TVP23C: variants seen among roughly 807,000 people sequenced by gnomAD.
TVP23C encodes Golgi apparatus membrane protein TVP23 homolog C.
TVP23C carries 19 observed loss-of-function variants against 28.7 expected under a neutral mutation model. That is an observed-to-expected ratio of 0.66 (90% confidence interval 0.46 to 0.97). TVP23C has a LOEUF of 0.97. Among genes scored for constraint, TVP23C ranks in the 50% least tolerant of loss-of-function variants. The probability of loss-of-function intolerance (pLI) is 0.00; values close to 1 mark genes in which losing one functional copy is unlikely to be tolerated. For synonymous variants in TVP23C, 68 were observed against 81.7 expected (o/e 0.83, Z 0.90); for missense variants, 186 against 241.3 (o/e 0.77, Z 1.52).
At chr17:15,542,751 C>T (rs1357977629) in intron 5 of TVP23C, among the ~76,000 whole-genome samples, 1 of 152,190 alleles carries the variant, frequency 6.6e-6, no homozygotes, top group African/African-American at 2.4e-5. Flanking sequence ...GCTGGGATTA[C>T]AGGCATGAGC....
chr17:15,542,937 C>A (rs1288648034), intron 5 of TVP23C, among the ~76,000 whole-genome samples: 1 of 152,196 alleles, frequency 6.6e-6, no homozygotes, highest in African/African-American at 2.4e-5. Flanking sequence ...CAGGATCAAA[C>A]TGGCTTTCAC....
intron 5 of TVP23C, among the ~76,000 whole-genome samples, chr17:15,510,035 T>C (rs1981933402): frequency 6.6e-6 from 1 of 152,210 alleles, no homozygotes; most frequent in Non-Finnish European, 1.5e-5. Flanking sequence ...TTCGGAGACG[T>C]TGACTTTTTT....
chr17:15,518,273 A>G (rs2150833636), intron 5 of TVP23C, among the ~76,000 whole-genome samples: 1 of 152,258 alleles, frequency 6.6e-6, no homozygotes, highest in African/African-American at 2.4e-5. Flanking sequence ...ATCTACCCAA[A>G]TATAAGGGGG....
downstream of TVP23C, among the ~76,000 whole-genome samples, chr17:15,535,914 A>G (rs903737383): frequency 2.6e-5 from 4 of 152,192 alleles, no homozygotes; most frequent in African/African-American, 9.7e-5. Flanking sequence ...ACAGGTCGCC[A>G]GATACGATGG....
chr17:15,515,103 A>G (rs1384982404), intron 5 of TVP23C, among the ~76,000 whole-genome samples: 2 of 151,998 alleles, frequency 1.3e-5, no homozygotes, highest in African/African-American at 4.8e-5. Context: ...GGGTGCCCAT[A>G]CCCACAGTGG....
At chr17:15,533,727 A>G (rs1312379728), downstream of TVP23C, among the ~76,000 whole-genome samples, 1 of 152,018 alleles carries the variant, frequency 6.6e-6, no homozygotes, top group Admixed American at 6.5e-5. Flanking sequence ...TTTTTAAAGG[A>G]TTTGGGGTTG....
exon 6 of TVP23C, chr17:15,503,204 C>G: frequency 6.4e-7 from 1 of 1,551,462 alleles, no homozygotes; most frequent in South Asian, 1.2e-5. Context: ...GACTTTCAGA[C>G]CAGTCTGGGC....
chr17:15,523,570 A>G (rs1035617000), intron 5 of TVP23C, among the ~76,000 whole-genome samples: 3 of 151,564 alleles, frequency 2.0e-5, no homozygotes, highest in Non-Finnish European at 2.9e-5. Flanking sequence ...TGGCCTCCCA[A>G]AGTGCTGAGA....
At chr17:15,555,428 T>C (rs1984088184) in intron 1 of TVP23C, 64 bp from the exon 2 acceptor site, 17 of 1,593,670 alleles carry the variant, frequency 1.1e-5, no homozygotes, top group Non-Finnish European at 1.4e-5. Context: ...GCCACTGCAA[T>C]GCAAAGCTGC....
chr17:15,524,414 C>T (rs958617869), intron 5 of TVP23C, among the ~76,000 whole-genome samples: 16 of 152,114 alleles, frequency 1.1e-4, no homozygotes, highest in African/African-American at 3.6e-4. Flanking sequence ...TGGTTGTTTC[C>T]AGGCTATGCT....
At chr17:15,502,691 T>C in exon 6 of TVP23C, 23 of 1,120,890 alleles carry the variant, frequency 2.1e-5, no homozygotes, top group Non-Finnish European at 2.8e-5. Flanking sequence ...TTTTACAAGT[T>C]CCCTGTTCGT....
chr17:15,504,164 A>G (rs1981616757), intron 5 of TVP23C, among the ~76,000 whole-genome samples: 1 of 152,224 alleles, frequency 6.6e-6, no homozygotes, highest in Non-Finnish European at 1.5e-5. Flanking sequence ...TAGACAGCCC[A>G]GGAACCAGGA....
chr17:15,548,681 C>G (rs1441824040), intron 3 of TVP23C, among the ~76,000 whole-genome samples: 1 of 152,206 alleles, frequency 6.6e-6, no homozygotes, highest in Non-Finnish European at 1.5e-5. Context: ...AGACCTGCCA[C>G]TAGATCTTAC....
rs889697092 is a variant in TVP23C, at chr17:15,549,921, T to TA, written c.241-2774dup. ...AAATTCCTATGGGAGAGATGCTAAGTAAAAAAAAAAAAGAGCTGGCAAGGG... is the reference window on the plus strand; with the variant it reads ...AAATTCCTATGGGAGAGATGCTAAGTAAAAAAAAAAAAAGAGCTGGCAAGGG... On this transcript the variant is annotated intron_variant, in intron 3 of 5. Transcript: ENST00000518321. Among the ~76,000 whole-genome samples, 108 of 140,726 alleles carry TA rather than the reference T, an allele frequency of 7.7e-4. 1 individual carries two copies. Among genetic ancestry groups the TA allele is most frequent in the Middle Eastern group, 3.8e-3 (1 of 266 alleles). The allele number at this position is 140,726 out of a possible 152,430, so 92.3% of individuals were successfully genotyped here.
chr17:15,512,010 G>C (rs1982025391), intron 5 of TVP23C, among the ~76,000 whole-genome samples: 1 of 152,160 alleles, frequency 6.6e-6, no homozygotes, highest in South Asian at 2.1e-4. Context: ...TGAAACACAG[G>C]CTGCTGGGTC....
At chr17:15,502,768 CCG>C (rs1491553896) in exon 6 of TVP23C, 7 of 1,425,434 alleles carry the variant, frequency 4.9e-6, no homozygotes, top group Non-Finnish European at 5.6e-6. Flanking sequence ...CTCTCCTTCT[CCG>C]TCACTCTCTT....
In TVP23C at chr17:15,503,275, C is replaced by T. The variant is rs190392581; in HGVS notation, c.463-43G>A. ...AAAATAAATTAGCCAGGTGTAGTGG[C>T]GCGCCTGTGGTTCCAGCTACTTGAC... On this transcript the variant is annotated intron_variant, in intron 5 of 5. Transcript: ENST00000225576. 6,675 of 1,446,556 alleles carry T rather than the reference C, an allele frequency of 4.6e-3. 264 individuals are homozygous for T. The African/African-American group carries it at 0.082, about 18-fold the overall frequency. 89.6% of individuals were successfully genotyped at this position (1,446,556 alleles called of 1,614,324 possible). A position where few individuals can be genotyped will look rare whatever the true frequency, so the allele number is the denominator to read the frequency against.
chr17:15,554,247 T>TC (rs1190788850), intron 2 of TVP23C, among the ~76,000 whole-genome samples: 1 of 149,210 alleles, frequency 6.7e-6, no homozygotes. Context: ...TTTTTTTTTT[T>TC]TTTTTTTTGA....
At chr17:15,541,491 C>T (rs1184959766) in intron 5 of TVP23C, among the ~76,000 whole-genome samples, 2 of 151,870 alleles carry the variant, frequency 1.3e-5, no homozygotes, top group Non-Finnish European at 2.9e-5. Context: ...CCATAGTTTG[C>T]CAACCCTTGT....
Sources: gnomAD v4.1 joint callset for allele counts (sites outside exome capture counted in the v4.1 genomes callset) on GRCh38, gnomAD v4.1.1 for gene constraint, MANE v1.5 for transcripts, NCBI Gene and HGNC (gene_info 2026-07-23, HGNC 2026-07-21) for gene names.